RPS6KA2: variants seen among roughly 807,000 people sequenced by gnomAD.
The protein encoded by RPS6KA2 is ribosomal protein S6 kinase A2.
A neutral mutation model predicts 91.8 loss-of-function variants in RPS6KA2; 42 were observed. The ratio of observed to expected loss-of-function variants is 0.46; its 90% CI spans 0.36 to 0.59. The LOEUF is 0.59. Ranked by LOEUF, RPS6KA2 falls within the 20% of genes least tolerant of loss-of-function variation. The pLI is 0.00. For missense variants in RPS6KA2, 798 were observed against 978.5 expected (o/e 0.82, Z 2.46); for synonymous variants, 414 against 393.6 (o/e 1.05, Z -0.61).
At chr6:166,664,765 G>A (rs1788268409) in intron 2 of RPS6KA2, among the ~76,000 whole-genome samples, 1 of 152,168 alleles carries the variant, frequency 6.6e-6, no homozygotes, top group Non-Finnish European at 1.5e-5. Context: ...CTATTAAGTG[G>A]TATTTGCAAG....
exon 1 of RPS6KA2, chr6:166,862,372 A>C (rs1781067896): frequency 7.1e-7 from 1 of 1,410,842 alleles, no homozygotes. Flanking sequence ...CGGAGGAGGG[A>C]CCCGGGGGGC....
rs142741136 is a variant in RPS6KA2 at position 166,603,011 on chromosome 6, G to A, written c.99+23910C>T. On this transcript the variant is annotated intron_variant, in intron 1 of 20. Coordinates refer to ENST00000265678, the MANE Select transcript of RPS6KA2 (RefSeq NM_021135.6). The surrounding 1 kb of genome is among the most constrained non-coding windows in gnomAD (Gnocchi z 4.3). The stretch of plus-strand genomic sequence containing the variant: ...GAGAGGTGTTGGTCAGGGGCACCTA[G>A]GAACCCATTCTGCTTTCACCCTCTG... Among the ~76,000 whole-genome samples the A allele has an allele frequency of 3.0e-4, 46 of 152,308 alleles. No homozygotes were observed. Among genetic ancestry groups the A allele is most frequent in the African/African-American group, 1.0e-3 (43 of 41,568 alleles).
At chr6:166,461,634 C>G (rs1288234398) in intron 11 of RPS6KA2, among the ~76,000 whole-genome samples, 1 of 151,828 alleles carries the variant, frequency 6.6e-6, no homozygotes, top group Non-Finnish European at 1.5e-5. Flanking sequence ...CGCACTAGCT[C>G]GATCCAGCAC....
intron 6 of RPS6KA2, among the ~76,000 whole-genome samples, chr6:166,503,490 C>T (rs1274402785): frequency 6.6e-6 from 1 of 152,144 alleles, no homozygotes; most frequent in Non-Finnish European, 1.5e-5. Flanking sequence ...GACCCCAGGG[C>T]CCCCCCTTGG....
rs369813871 is a variant in RPS6KA2, at chr6:166,825,978, T to G, written c.123+32222A>C. On this transcript the variant is annotated intron_variant, in intron 2 of 21. Transcript: ENST00000503859. This position sits in a 1 kb window ranked among gnomAD's most constrained non-coding sequence, Gnocchi z 4.1. ...ATTTGTGAGTAGAAAGTAAAGAAAA[T>G]TGGATCAAATTAACCTGAAAGAATG... Among the ~76,000 whole-genome samples the G allele has an allele frequency of 1.3e-5, 2 of 152,186 alleles. No individual in the cohort carries two copies. The highest frequency in any genetic ancestry group is 3.9e-4 in the East Asian group (2 of 5,184).
At position 166,413,851 on chromosome 6, in the gene RPS6KA2, G is replaced by A. The variant is rs1330273330; in HGVS notation, c.2019C>T (p.Val673=). The A allele has an allele frequency of 2.5e-6, 4 of 1,614,180 alleles. No homozygotes were observed. Among genetic ancestry groups the A allele is most frequent in the Non-Finnish European group, 3.4e-6 (4 of 1,180,016 alleles). Residue 673 remains valine, a synonymous_variant, in exon 20 of 21, where the codon GTC becomes GTT. Coordinates refer to ENST00000265678, the MANE Select transcript of RPS6KA2 (RefSeq NM_021135.6). ...AMQVLKHPWV[V]NREYLSPNQL... is the part of the protein sequence containing the mutation. Reference sequence around the variant, plus strand: ...GGTTTGGGGACAGGTACTCTCTGTTGACCACCCACGGGTGTTTGAGCACTT... The same window carrying A: ...GGTTTGGGGACAGGTACTCTCTGTTAACCACCCACGGGTGTTTGAGCACTT...
chr6:166,532,438 A>G (rs1433982914), intron 2 of RPS6KA2, among the ~76,000 whole-genome samples: 1 of 152,202 alleles, frequency 6.6e-6, no homozygotes, highest in Non-Finnish European at 1.5e-5. Context: ...GCACAAATAA[A>G]GAGGGACCGG....
intron 2 of RPS6KA2, among the ~76,000 whole-genome samples, chr6:166,697,037 A>C (rs1412784130): frequency 6.6e-6 from 1 of 150,768 alleles, no homozygotes; most frequent in Non-Finnish European, 1.5e-5. Context: ...CCTTACAATA[A>C]AATCTGTGTG....
rs567541745 is a variant in RPS6KA2 at position 166,662,417 on chromosome 6, C to T, written c.124-123633G>A. The stretch of plus-strand genomic sequence containing the variant: ...ATGAAAACTTACTCCAAATTACAGA[C>T]ACTTTAGATATCTGCTTTCTTTGGG... On this transcript the variant is annotated intron_variant, in intron 2 of 21. Transcript: ENST00000503859. The surrounding 1 kb of genome is among the most constrained non-coding windows in gnomAD (Gnocchi z 4.3). Among the ~76,000 whole-genome samples the T allele has an allele frequency of 6.6e-6, 1 of 152,294 alleles. No homozygotes were observed. The highest frequency in any genetic ancestry group is 2.1e-4 in the South Asian group (1 of 4,822).
intron 16 of RPS6KA2, among the ~76,000 whole-genome samples, chr6:166,427,947 CTACTT>C (rs1316793979): frequency 1.3e-5 from 2 of 151,082 alleles, no homozygotes; most frequent in African/African-American, 5.0e-5. Flanking sequence ...TTGGAAAAAA[CTACTT>C]TAAAGTTCAT....
chr6:166,446,132 A>C (rs897990791), intron 14 of RPS6KA2, among the ~76,000 whole-genome samples: 2 of 152,248 alleles, frequency 1.3e-5, no homozygotes, highest in African/African-American at 4.8e-5. Flanking sequence ...ATTCTAAATA[A>C]CAAGCTCGTT....
At chr6:166,693,851 A>G (rs1398522810) in intron 2 of RPS6KA2, among the ~76,000 whole-genome samples, 1 of 152,206 alleles carries the variant, frequency 6.6e-6, no homozygotes, top group Non-Finnish European at 1.5e-5. Flanking sequence ...CACCAAGCTT[A>G]GACACACCCC....
intron 2 of RPS6KA2, among the ~76,000 whole-genome samples, chr6:166,851,444 C>A (rs572833903): frequency 6.6e-6 from 1 of 152,298 alleles, no homozygotes; most frequent in Admixed American, 6.5e-5. Context: ...TCTGGAGAAC[C>A]GGCGTTTTCT....
At chr6:166,431,377 T>C (rs1438502793) in intron 15 of RPS6KA2, among the ~76,000 whole-genome samples, 1 of 152,224 alleles carries the variant, frequency 6.6e-6, no homozygotes, top group Non-Finnish European at 1.5e-5. Context: ...TCCTGCAGAC[T>C]GAGGTGGGGC....
chr6:166,462,622 T>C (rs1205306209), intron 11 of RPS6KA2, among the ~76,000 whole-genome samples: 1 of 152,210 alleles, frequency 6.6e-6, no homozygotes, highest in African/African-American at 2.4e-5. Context: ...CATCTGTGCC[T>C]AGCCCGGTGC....
chr6:166,690,635 C>A (rs181396153), intron 2 of RPS6KA2, among the ~76,000 whole-genome samples: 62 of 152,320 alleles, frequency 4.1e-4, no homozygotes, highest in Non-Finnish European at 6.2e-4. Flanking sequence ...TGGATGAGGA[C>A]ACATCCGCTC....
chr6:166,469,330 T>G (rs1331479656), intron 11 of RPS6KA2, among the ~76,000 whole-genome samples: 1 of 151,452 alleles, frequency 6.6e-6, no homozygotes, highest in South Asian at 2.1e-4. Flanking sequence ...ACTGTTGTTT[T>G]TTTTTTTTTT....
In RPS6KA2 at chr6:166,662,024, C is replaced by T. The variant is rs12664453; in HGVS notation, c.124-123240G>A. 0.034 allele frequency among the ~76,000 whole-genome samples: 5,219 copies of T among 152,210 alleles called. 150 individuals carry two copies. Among genetic ancestry groups the T allele is most frequent in the East Asian group, 0.077 (398 of 5,184 alleles). On this transcript the variant is annotated intron_variant, in intron 2 of 21. Coordinates refer to the RPS6KA2 transcript ENST00000503859. The surrounding 1 kb of genome is among the most constrained non-coding windows in gnomAD (Gnocchi z 4.3). ...ATTCCTCGTTAACACAAATTCTTAA[C>T]GGGACTAGTGAGAATCCCTGCTTTG...
chr6:166,517,401 T>C (rs1782682154), intron 3 of RPS6KA2, among the ~76,000 whole-genome samples: 1 of 151,530 alleles, frequency 6.6e-6, no homozygotes, highest in Non-Finnish European at 1.5e-5. Context: ...TGTGATGGCC[T>C]TGACAGCATG....
Sources: allele counts gnomAD v4.1 joint callset (sites outside exome capture counted in the v4.1 genomes callset), GRCh38; gene constraint gnomAD v4.1.1; non-coding constraint Gnocchi (gnomAD v3.1); transcripts MANE v1.5; gene names NCBI Gene and HGNC (gene_info 2026-07-23, HGNC 2026-07-21).